The following SKAP1 variants were observed in gnomAD, a reference collection of about 807,000 sequenced individuals.
SKAP1 encodes the protein src kinase-associated phosphoprotein 1.
SKAP1 carries 44 observed loss-of-function variants against 58.5 expected under a neutral mutation model. That is an observed-to-expected ratio of 0.75 (90% CI 0.59 to 0.97). The LOEUF (loss-of-function observed/expected upper bound fraction) is 0.97, where lower values mean the gene tolerates loss of function less well. Among genes scored for constraint, SKAP1 ranks in the 50% least tolerant of loss-of-function variants. SKAP1 has a pLI of 0.00. For missense variants in SKAP1, 390 were observed against 435.2 expected (o/e 0.90, Z 0.92); for synonymous variants, 127 against 149.7 (o/e 0.85, Z 1.11).
intron 4 of SKAP1, among the ~76,000 whole-genome samples, chr17:48,206,433 GT>G (rs530492554): frequency 0.022 from 709 of 31,656 alleles, 3 homozygotes; most frequent in African/African-American, 0.042. Flanking sequence ...AAATAAAGAC[GT>G]TTTTTTTTAT....
intron 4 of SKAP1, among the ~76,000 whole-genome samples, chr17:48,228,426 T>C (rs2065093020): frequency 6.6e-6 from 1 of 152,230 alleles, no homozygotes; most frequent in African/African-American, 2.4e-5. Context: ...TAGATGCTTC[T>C]ATAGGTTGGT....
chr17:48,157,266 C>T (rs940334612), intron 11 of SKAP1, among the ~76,000 whole-genome samples: 2 of 150,692 alleles, frequency 1.3e-5, no homozygotes, highest in African/African-American at 2.4e-5. Flanking sequence ...GACGGAGTCT[C>T]GCTCTGTTGC....
intron 7 of SKAP1, among the ~76,000 whole-genome samples, chr17:48,184,123 T>A (rs1042521472): frequency 2.0e-5 from 3 of 152,180 alleles, no homozygotes; most frequent in Admixed American, 6.5e-5. Flanking sequence ...ATTAATTTTA[T>A]AATGAGGTAA....
the SKAP1 span, among the ~76,000 whole-genome samples, chr17:48,439,661 A>G: frequency 2.0e-5 from 3 of 152,218 alleles, no homozygotes; most frequent in Non-Finnish European, 4.4e-5. Context: ...TTCATAAGCT[A>G]TATTGTTATC....
chr17:48,397,793 T>C (rs1450883910), intron 1 of SKAP1, among the ~76,000 whole-genome samples: 2 of 152,134 alleles, frequency 1.3e-5, no homozygotes, highest in Non-Finnish European at 2.9e-5. Flanking sequence ...AATGTGAACA[T>C]ATATTATAAA....
At chr17:48,353,991 T>A (rs1352815946) in intron 3 of SKAP1, among the ~76,000 whole-genome samples, 1 of 150,474 alleles carries the variant, frequency 6.6e-6, no homozygotes, top group Non-Finnish European at 1.5e-5. Context: ...GAAGAAGACA[T>A]GTTGTACAGG....
At chr17:48,174,671 G>A (rs780058375) in intron 9 of SKAP1, among the ~76,000 whole-genome samples, 3 of 152,116 alleles carry the variant, frequency 2.0e-5, no homozygotes, top group Non-Finnish European at 4.4e-5. Context: ...TTAGGCTAAA[G>A]AGCTTGTTGA....
chr17:48,441,559 G>C, the SKAP1 span, among the ~76,000 whole-genome samples: 1 of 152,152 alleles, frequency 6.6e-6, no homozygotes. Flanking sequence ...CCAAAAGAGA[G>C]AAGATTCTAA....
At chr17:48,164,032 C>T (rs2064104983) in intron 10 of SKAP1, among the ~76,000 whole-genome samples, 1 of 152,188 alleles carries the variant, frequency 6.6e-6, no homozygotes, top group African/African-American at 2.4e-5. Flanking sequence ...AAGATAACTA[C>T]TGTGAAAACA....
In SKAP1 at chr17:48,332,473, C is replaced by T. The variant is rs7221671; in HGVS notation, c.280+13432G>A. On this transcript the variant is annotated intron_variant, in intron 4 of 12. Transcript: ENST00000336915. ...TCTGCTTTTATCATTTAAAAAATGACGAGCATATTTCATTTTAAAAGGATA... is the reference window on the plus strand; with the variant it reads ...TCTGCTTTTATCATTTAAAAAATGATGAGCATATTTCATTTTAAAAGGATA... Among the ~76,000 whole-genome samples the T allele has an allele frequency of 2.9e-3, 443 of 152,138 alleles. 4 individuals carry two copies. The highest frequency in any genetic ancestry group is 0.01 in the African/African-American group (427 of 41,520).
chr17:48,416,776 G>C (rs1487272093), intron 1 of SKAP1, among the ~76,000 whole-genome samples: 1 of 152,182 alleles, frequency 6.6e-6, no homozygotes, highest in Non-Finnish European at 1.5e-5. Flanking sequence ...GCTTCTGGTA[G>C]AAACAAAAAT....
chr17:48,276,698 T>G (rs1232965252), intron 4 of SKAP1, among the ~76,000 whole-genome samples: 2 of 152,244 alleles, frequency 1.3e-5, no homozygotes, highest in African/African-American at 4.8e-5. Context: ...AGGTAACTTT[T>G]GTTATTTCTA....
chr17:48,387,040 C>T (rs2067286809), intron 2 of SKAP1, among the ~76,000 whole-genome samples: 2 of 152,154 alleles, frequency 1.3e-5, no homozygotes, highest in African/African-American at 4.8e-5. Flanking sequence ...AAACATATGC[C>T]TACCAACCTG....
intron 1 of SKAP1, among the ~76,000 whole-genome samples, chr17:48,423,845 C>T (rs1423883758): frequency 6.6e-6 from 1 of 152,078 alleles, no homozygotes; most frequent in Non-Finnish European, 1.5e-5. Context: ...CAGCCTCAAC[C>T]TTCTGGGCTC....
At chr17:48,290,750 T>C (rs1055079318) in intron 4 of SKAP1, among the ~76,000 whole-genome samples, 1 of 152,210 alleles carries the variant, frequency 6.6e-6, no homozygotes, top group Non-Finnish European at 1.5e-5. Flanking sequence ...TAAATATCTG[T>C]TGAATAAATG....
intron 2 of SKAP1, among the ~76,000 whole-genome samples, chr17:48,374,809 C>T (rs980316976): frequency 1.3e-5 from 2 of 152,172 alleles, no homozygotes; most frequent in Admixed American, 6.5e-5. Flanking sequence ...GCCAGTGACA[C>T]CCAACAACAG....
In SKAP1 at chr17:48,174,366, A is replaced by G. The variant is rs151186307; in HGVS notation, c.827-3707T>C. ...GTCTTTGGAAGACTGGGTAGGGGGC[A>G]CTGTCACATAGTGAAGGAAAACACC... On this transcript the variant is annotated intron_variant, in intron 9 of 12. Coordinates refer to ENST00000336915, the MANE Select transcript of SKAP1 (RefSeq NM_003726.4). Among the ~76,000 whole-genome samples the G allele has an allele frequency of 6.4e-4, 98 of 152,312 alleles. 1 individual carries two copies. The highest frequency in any genetic ancestry group is 2.3e-3 in the African/African-American group (94 of 41,556).
In SKAP1 at chr17:48,299,747, C is replaced by A. The variant is rs192331449; in HGVS notation, c.280+46158G>T. Among the ~76,000 whole-genome samples the A allele has an allele frequency of 3.3e-5, 5 of 152,202 alleles. No individual in the cohort carries two copies. The East Asian group carries it at 7.7e-4, about 24-fold the overall frequency. ...GTAGGCAACAGCTATGATAACTGAT[C>A]AAGTAAAATGCAAGACAGGAAGGGG... On this transcript the variant is annotated intron_variant, in intron 4 of 12. Transcript: ENST00000336915.
At chr17:48,174,825 T>C (rs1018482774) in intron 9 of SKAP1, among the ~76,000 whole-genome samples, 3 of 152,226 alleles carry the variant, frequency 2.0e-5, no homozygotes, top group African/African-American at 7.2e-5. Flanking sequence ...ACAGGGCATA[T>C]GGGACCCCAA....
Sources: allele counts gnomAD v4.1 joint callset (sites outside exome capture counted in the v4.1 genomes callset), GRCh38; gene constraint gnomAD v4.1.1; transcripts MANE v1.5; gene names NCBI Gene and HGNC (gene_info 2026-07-23, HGNC 2026-07-21).